Variants in STX5 observed in about 807,000 individuals in gnomAD.
STX5 encodes the protein syntaxin-5.
Under a neutral mutation model 42.9 loss-of-function variants are expected in STX5, and 15 were observed. The observed-to-expected ratio is 0.35, with a 90% confidence interval of 0.23 to 0.54. The LOEUF (loss-of-function observed/expected upper bound fraction) is 0.54. Ranked by LOEUF, STX5 falls within the 20% of genes least tolerant of loss-of-function variation. STX5 has a pLI of 0.91. For missense variants in STX5, 430 were observed against 455.0 expected (o/e 0.95, Z 0.50); for synonymous variants, 184 against 173.2 (o/e 1.06, Z -0.49).
chr11:62,815,305 C>G (rs1186775187), intron 10 of STX5, among the ~76,000 whole-genome samples: 3 of 152,130 alleles, frequency 2.0e-5, no homozygotes, highest in Non-Finnish European at 4.4e-5. Flanking sequence ...CATGCCCAGC[C>G]AACCGGGTGT....
chr11:62,809,540 G>A (rs2084592107), intron 10 of STX5, among the ~76,000 whole-genome samples: 1 of 150,966 alleles, frequency 6.6e-6, no homozygotes, highest in African/African-American at 2.4e-5. Flanking sequence ...CAGGCGTGGT[G>A]GCGGGCGCCT....
Position 62,825,411 on chromosome 11 carries a change from C to A in STX5, c.540+12G>T, listed in dbSNP as rs760873920. The A allele has an allele frequency of 6.2e-7, 1 of 1,614,188 alleles. No individual in the cohort carries two copies. Among genetic ancestry groups the A allele is most frequent in the Non-Finnish European group, 8.5e-7 (1 of 1,180,028 alleles). ...TCCTCTTTGCCTCCCTCCCTTCCTC[C>A]CCAGGTCCCACCTGCAAGGAGACCA... On this transcript the variant is annotated intron_variant, in intron 6 of 10. Coordinates refer to ENST00000294179, the MANE Select transcript of STX5 (RefSeq NM_003164.5).
intron 2 of STX5, among the ~76,000 whole-genome samples, chr11:62,830,067 A>C (rs1172205765): frequency 6.6e-5 from 8 of 120,862 alleles, no homozygotes; most frequent in Non-Finnish European, 1.2e-4. Flanking sequence ...TCCTTCTCAA[A>C]AAAAAAAAAA....
rs1397051295 is a variant in STX5, at chr11:62,825,283, C to T, written c.597G>A (p.Glu199=). Residue 199 remains glutamate (E), a splice_region_variant and synonymous_variant, in exon 7 of 11, where the codon GAG becomes GAA. Coordinates refer to ENST00000294179, the MANE Select transcript of STX5 (RefSeq NM_003164.5). Reference sequence around the variant, plus strand: ...CCCCTCCTACGCAGATTGTTCTCACCTCTGTCCTCACTTCTAAAACCGATT... The same window carrying T: ...CCCCTCCTACGCAGATTGTTCTCACTTCTGTCCTCACTTCTAAAACCGATT... ...DFKSVLEVRT[E]NLKQQRSRRE... is the part of the protein sequence containing the mutation. 6.2e-7 allele frequency: 1 copy of T among 1,614,018 alleles called. No individual in the cohort carries two copies. Among genetic ancestry groups the T allele is most frequent in the African/African-American group, 1.3e-5 (1 of 74,920 alleles).
At chr11:62,823,159 A>AT (rs1170562398) in intron 10 of STX5, among the ~76,000 whole-genome samples, 2 of 150,980 alleles carry the variant, frequency 1.3e-5, no homozygotes, top group African/African-American at 4.9e-5. Context: ...ACACAATCTG[A>AT]TATACCTACT....
chr11:62,807,426 G>A lies in STX5; in HGVS notation c.*43C>T, dbSNP rs1346059090. On this transcript the variant is annotated 3_prime_UTR_variant, in exon 11 of 11. Coordinates refer to ENST00000294179, the MANE Select transcript of STX5 (RefSeq NM_003164.5). The stretch of plus-strand genomic sequence containing the variant: ...CAGCACTGGCCACTTGCCTTCCCAG[G>A]AGGGTCCCAAACCCCAACAGAGTGC... 2 of 1,601,174 alleles carry A rather than the reference G, an allele frequency of 1.2e-6. No individual in the cohort carries two copies. Among genetic ancestry groups the A allele is most frequent in the South Asian group, 2.2e-5 (2 of 89,840 alleles).
chr11:62,830,568 A>C (rs1460849217), intron 2 of STX5: 4 of 459,472 alleles, frequency 8.7e-6, no homozygotes, highest in African/African-American at 6.0e-5. Flanking sequence ...CAAAAACAAC[A>C]AATTACTTAT....
intron 10 of STX5, among the ~76,000 whole-genome samples, chr11:62,823,673 G>C (rs1329424179): frequency 6.6e-6 from 1 of 152,220 alleles, no homozygotes. Context: ...AGCCTCTCGA[G>C]TAGCTGGGAC....
intron 10 of STX5, among the ~76,000 whole-genome samples, chr11:62,815,395 T>G (rs2084662509): frequency 6.6e-6 from 1 of 152,148 alleles, no homozygotes; most frequent in Admixed American, 6.5e-5. Flanking sequence ...TACATAATAT[T>G]AGGAAATCAT....
At chr11:62,820,551 C>CT (rs1243165664) in intron 10 of STX5, among the ~76,000 whole-genome samples, 1 of 148,442 alleles carries the variant, frequency 6.7e-6, no homozygotes, top group East Asian at 2.0e-4. Context: ...GAGTCTCACT[C>CT]TGTTGCCCAG....
intron 10 of STX5, among the ~76,000 whole-genome samples, chr11:62,810,008 A>G (rs901196217): frequency 1.3e-5 from 2 of 149,590 alleles, no homozygotes; most frequent in Non-Finnish European, 3.0e-5. Context: ...AGGCTGAGGC[A>G]GGAGAACCAC....
intron 10 of STX5, among the ~76,000 whole-genome samples, chr11:62,815,503 C>G (rs77316319): frequency 1.7e-3 from 255 of 150,542 alleles, no homozygotes; most frequent in African/African-American, 5.7e-3. Flanking sequence ...ATTAGGAAAT[C>G]GCTAATTTTC....
Position 62,807,301 on chromosome 11 carries a change from TG to T in STX5, c.*167del. ...TGAGGGTGGTGGGGGGAGGACAGGGTGGCCAGAGGCAAGGGGTGGGGGATCA... is the reference window on the plus strand; with the variant it reads ...TGAGGGTGGTGGGGGGAGGACAGGGTGCCAGAGGCAAGGGGTGGGGGATCA... On this transcript the variant is annotated 3_prime_UTR_variant, in exon 11 of 11. Transcript: ENST00000294179. 9.7e-7 allele frequency: 1 copy of T among 1,029,404 alleles called. No individual in the cohort carries two copies. Among genetic ancestry groups the T allele is most frequent in the Non-Finnish European group, 1.4e-6 (1 of 732,832 alleles). The allele number at this position is 1,029,404 out of a possible 1,614,324, so 63.8% of individuals were successfully genotyped here.
intron 5 of STX5, among the ~76,000 whole-genome samples, chr11:62,826,333 G>T (rs1004478362): frequency 1.3e-5 from 2 of 151,948 alleles, no homozygotes; most frequent in African/African-American, 4.8e-5. Flanking sequence ...TGAGGTGGGC[G>T]GATCACCTGA....
chr11:62,828,931 G>A (rs1435650325), intron 2 of STX5, among the ~76,000 whole-genome samples: 3 of 151,852 alleles, frequency 2.0e-5, no homozygotes, highest in Non-Finnish European at 4.4e-5. Context: ...TGGGTGTCCT[G>A]GCACCGCCTG....
chr11:62,816,827 G>A (rs2084678848), intron 10 of STX5, among the ~76,000 whole-genome samples: 4 of 150,642 alleles, frequency 2.7e-5, no homozygotes, highest in Non-Finnish European at 5.9e-5. Flanking sequence ...CCTGGGAGGC[G>A]AAGGTTGCAG....
chr11:62,811,609 G>A (rs937848657), intron 10 of STX5, among the ~76,000 whole-genome samples: 21 of 151,302 alleles, frequency 1.4e-4, no homozygotes, highest in Non-Finnish European at 2.2e-4. Context: ...TTCTGGGAAG[G>A]CCCCTTGGCC....
chr11:62,810,328 G>A (rs571960768), intron 10 of STX5, among the ~76,000 whole-genome samples: 1 of 152,194 alleles, frequency 6.6e-6, no homozygotes, highest in East Asian at 1.9e-4. Flanking sequence ...TGTTATCCCA[G>A]CTACTGGGGA....
chr11:62,830,641 C>A (rs911334588), intron 2 of STX5: 2 of 469,192 alleles, frequency 4.3e-6, no homozygotes, highest in African/African-American at 3.9e-5. Flanking sequence ...AACTAATTTT[C>A]TCATGGTTAC....
Sources: gnomAD v4.1 joint callset for allele counts (sites outside exome capture counted in the v4.1 genomes callset) on GRCh38, gnomAD v4.1.1 for gene constraint, MANE v1.5 for transcripts, NCBI Gene and HGNC (gene_info 2026-07-23, HGNC 2026-07-21) for gene names.